Variants in CERCAM observed in about 807,000 individuals in gnomAD.
The protein encoded by CERCAM is inactive glycosyltransferase 25 family member 3.
CERCAM carries 59 observed loss-of-function variants against 66.0 expected under a neutral mutation model. That is an observed-to-expected ratio of 0.89 (90% CI 0.73 to 1.11). The LOEUF is 1.11. Ranked by LOEUF, CERCAM falls within the 50% of genes most tolerant of loss-of-function variation. CERCAM has a pLI of 0.00. For missense variants in CERCAM, 840 were observed against 828.3 expected (o/e 1.01, Z -0.17); for synonymous variants, 318 against 343.6 (o/e 0.93, Z 0.83).
At chr9:128,426,745 GAGA>G (rs1183517896) in intron 5 of CERCAM, among the ~76,000 whole-genome samples, 1 of 152,184 alleles carries the variant, frequency 6.6e-6, no homozygotes, top group African/African-American at 2.4e-5. Context: ...CTGGTGCATG[GAGA>G]AGAACTTTGC....
At chr9:128,426,497 A>G (rs1032385589) in intron 5 of CERCAM, among the ~76,000 whole-genome samples, 2 of 150,692 alleles carry the variant, frequency 1.3e-5, no homozygotes, top group Non-Finnish European at 3.0e-5. Context: ...GCGGGTGCCT[A>G]TAGTCCCAGC....
chr9:128,426,176 C>T (rs1411029706), intron 5 of CERCAM, among the ~76,000 whole-genome samples: 1 of 152,122 alleles, frequency 6.6e-6, no homozygotes, highest in Admixed American at 6.6e-5. Flanking sequence ...GTCCCAGCTT[C>T]CTGGGAGGCT....
Position 128,431,498 on chromosome 9 carries a change from G to A in CERCAM, c.1203+195G>A, listed in dbSNP as rs191603997. On this transcript the variant is annotated intron_variant, in intron 9 of 12. Coordinates refer to ENST00000372838, the MANE Select transcript of CERCAM (RefSeq NM_016174.5). ...TTGTTTTCATTCTGCAGTCTCTCTT[G>A]AGCATCTACTATGTGCTAGGAGATA... 2.1e-3 allele frequency: 1,349 copies of A among 634,294 alleles called. 3 individuals carry two copies. Among genetic ancestry groups the A allele is most frequent in the Non-Finnish European group, 2.7e-3 (992 of 370,594 alleles). 39.3% of individuals were successfully genotyped at this position (634,294 alleles called of 1,614,324 possible).
chr9:128,424,625 G>A lies in CERCAM; in HGVS notation c.766+11G>A. 1.2e-6 allele frequency: 2 copies of A among 1,613,252 alleles called. No homozygotes were observed. The highest frequency in any genetic ancestry group is 1.7e-6 in the Non-Finnish European group (2 of 1,179,642). ...CCTGCCAGGCTGCTGGTGAGGACCA[G>A]CCCTCCTTTAGCATTCCTTGGAGGC... On this transcript the variant is annotated intron_variant, in intron 5 of 12. Transcript: ENST00000372838.
upstream of CERCAM, among the ~76,000 whole-genome samples, chr9:128,419,990 C>A (rs555383647): frequency 9.2e-5 from 14 of 152,136 alleles, no homozygotes; most frequent in East Asian, 2.3e-3. Flanking sequence ...CCTGCCTCAG[C>A]CTCCCAAGTA....
chr9:128,423,167 T>TCC lies in CERCAM; in HGVS notation c.332_333dup (p.Lys112ProfsTer12), dbSNP rs757417628. The TCC allele has an allele frequency of 1.2e-6, 2 of 1,613,700 alleles. No individual in the cohort carries two copies. Among genetic ancestry groups the TCC allele is most frequent in the Non-Finnish European group, 1.7e-6 (2 of 1,179,958 alleles). On this transcript the variant is annotated frameshift_variant, in exon 3 of 13. Transcript: ENST00000372838. LOFTEE classifies it high-confidence loss of function. ...TCAGGTTCTACCCAGATGAAGAGGG[T>TCC]CCCAAGCACTGGACCAAAGAAAGGC...
intron 12 of CERCAM, among the ~76,000 whole-genome samples, chr9:128,436,444 C>T (rs1156238537): frequency 2.6e-5 from 4 of 152,178 alleles, no homozygotes; most frequent in African/African-American, 9.7e-5. Context: ...GACAGGGTTT[C>T]ACCATGTTGG....
In CERCAM at chr9:128,434,051, G is replaced by A. The variant is rs1261942312; in HGVS notation, c.1204-51G>A. Reference sequence around the variant, plus strand: ...GCTGTGAGCTTCAGCGTGGAGGGAGGGGGGTTGTTTAACTCCGAAGAGCCA... The same window carrying A: ...GCTGTGAGCTTCAGCGTGGAGGGAGAGGGGTTGTTTAACTCCGAAGAGCCA... On this transcript the variant is annotated intron_variant, in intron 9 of 12. Transcript: ENST00000372838. This position sits in a 1 kb window ranked among gnomAD's most constrained non-coding sequence, Gnocchi z 4.5. The A allele has an allele frequency of 1.2e-6, 2 of 1,602,768 alleles. No homozygotes were observed. Among genetic ancestry groups the A allele is most frequent in the African/African-American group, 1.3e-5 (1 of 74,766 alleles).
intron 11 of CERCAM, among the ~76,000 whole-genome samples, chr9:128,435,305 T>C (rs1170820122): frequency 6.6e-6 from 1 of 152,080 alleles, no homozygotes; most frequent in East Asian, 1.9e-4. Context: ...CCTCAATTTT[T>C]GTGTTTTTAG....
In CERCAM at chr9:128,435,643, C is replaced by T. The variant is rs758389898; in HGVS notation, c.1536-10C>T. The T allele has an allele frequency of 9.4e-6, 15 of 1,591,290 alleles. No individual in the cohort carries two copies. Among genetic ancestry groups the T allele is most frequent in the Non-Finnish European group, 1.2e-5 (14 of 1,165,342 alleles). On this transcript the variant is annotated splice_polypyrimidine_tract_variant and intron_variant, in intron 11 of 12. Coordinates refer to ENST00000372838, the MANE Select transcript of CERCAM (RefSeq NM_016174.5). ...CCTCAATCCCCCTGAGCTATCCTCTCACCTTACAGCGAGCAGTACAAGGCA... is the reference window on the plus strand; with the variant it reads ...CCTCAATCCCCCTGAGCTATCCTCTTACCTTACAGCGAGCAGTACAAGGCA...
intron 9 of CERCAM, among the ~76,000 whole-genome samples, chr9:128,433,123 C>A (rs1271979705): frequency 2.0e-5 from 3 of 151,738 alleles, no homozygotes; most frequent in Admixed American, 6.6e-5. Flanking sequence ...ACTAAAAATA[C>A]AAAAAAATTA....
In CERCAM at chr9:128,434,364, C is replaced by T; in HGVS notation, c.1332-46C>T. On this transcript the variant is annotated intron_variant, in intron 10 of 12. Coordinates refer to ENST00000372838, the MANE Select transcript of CERCAM (RefSeq NM_016174.5). This position sits in a 1 kb window ranked among gnomAD's most constrained non-coding sequence, Gnocchi z 4.5. ...GAGCGGGTGTGGGAGGGTCCCATGA[C>T]ACCCAGGACCTAAGTGACTCCTGGG... The T allele has an allele frequency of 6.2e-7, 1 of 1,605,660 alleles. No homozygotes were observed. Among genetic ancestry groups the T allele is most frequent in the Non-Finnish European group, 8.5e-7 (1 of 1,173,372 alleles).
At chr9:128,421,632 C>A in intron 1 of CERCAM, 1 of 601,892 alleles carries the variant, frequency 1.7e-6, no homozygotes, top group Non-Finnish European at 2.1e-6. Flanking sequence ...GGGATCCTGT[C>A]AGCCAAGGGC....
In CERCAM at chr9:128,421,051, C is replaced by G. The variant is rs1052807387; in HGVS notation, c.174C>G (p.Tyr58Ter). 2.2e-6 allele frequency: 3 copies of G among 1,367,382 alleles called. No individual in the cohort carries two copies. The highest frequency in any genetic ancestry group is 2.8e-6 in the Non-Finnish European group (3 of 1,058,622). 84.7% of individuals were successfully genotyped at this position (1,367,382 alleles called of 1,614,324 possible). ...HYLGALERLD[Y>*]PRARMALWCA... Reference sequence around the variant, plus strand: ...TGGGCGCTCTGGAGCGGCTGGACTACCCCCGGGCCAGGATGGCCCTCTGGT... The same window carrying G: ...TGGGCGCTCTGGAGCGGCTGGACTAGCCCCGGGCCAGGATGGCCCTCTGGT... The change falls in exon 1 of 13, where the codon TAC (tyrosine) becomes TAG (stop). Residue 58 changes from tyrosine (Y) to a stop codon, truncating the protein, a stop_gained. Transcript: ENST00000372838. LOFTEE classifies it high-confidence loss of function.
chr9:128,425,291 G>A (rs149878453), intron 5 of CERCAM, among the ~76,000 whole-genome samples: 2,369 of 151,530 alleles, frequency 0.016, 60 homozygotes, highest in African/African-American at 0.055. Flanking sequence ...TCCTGACCTC[G>A]TGATCTGCCC....
Position 128,424,532 on chromosome 9 carries a change from G to T in CERCAM, c.684G>T (p.Gln228His), listed in dbSNP as rs150130953. 6.7e-4 allele frequency: 1,076 copies of T among 1,614,056 alleles called. 7 individuals are homozygous for T. The highest frequency in any genetic ancestry group is 6.2e-3 in the South Asian group (566 of 91,074). Residue 228 changes from glutamine (Q) to histidine (H), a missense_variant, in exon 5 of 13, where the codon CAG becomes CAT. Physicochemically the swap from Gln to His is conservative, Grantham distance 24. Coordinates refer to ENST00000372838, the MANE Select transcript of CERCAM (RefSeq NM_016174.5). ...LASLRAEGADQLAFYPPHPNY... is the reference protein window; with the variant it reads ...LASLRAEGADHLAFYPPHPNY... ...CCCTGCGGGCTGAAGGGGCAGACCA[G>T]CTTGCTTTCTACCCGCCACATCCCA...
intron 6 of CERCAM, 88 bp downstream of exon 6, chr9:128,428,509 G>A (rs971008903): frequency 1.1e-5 from 16 of 1,506,912 alleles, no homozygotes; most frequent in African/African-American, 4.1e-5. Context: ...TGGACGGAGC[G>A]GGCATTGGCC....
intron 5 of CERCAM, among the ~76,000 whole-genome samples, chr9:128,425,981 T>G (rs1390205135): frequency 6.6e-6 from 1 of 151,956 alleles, no homozygotes; most frequent in Non-Finnish European, 1.5e-5. Flanking sequence ...ATTTTTGTAT[T>G]TTTTGTAGAG....
At chr9:128,421,106 C>A in intron 1 of CERCAM, 32 bp downstream of exon 1, 3 of 1,272,458 alleles carry the variant, frequency 2.4e-6, no homozygotes, top group Non-Finnish European at 3.0e-6. Flanking sequence ...ACCGAGTGGG[C>A]ACCTAACCCC....
Sources: gnomAD v4.1 joint callset for allele counts (sites outside exome capture counted in the v4.1 genomes callset) on GRCh38, gnomAD v4.1.1 for gene constraint, Gnocchi (gnomAD v3.1) non-coding constraint, MANE v1.5 for transcripts, NCBI Gene and HGNC (gene_info 2026-07-23, HGNC 2026-07-21) for gene names.